SLIT2: variants seen among roughly 807,000 people sequenced by gnomAD.
SLIT2 encodes slit guidance ligand 2, also known as slit homolog 2 protein.
SLIT2 carries 41 observed loss-of-function variants against 185.7 expected under a neutral mutation model. The observed-to-expected ratio is 0.22, with a 90% CI of 0.17 to 0.29. The LOEUF is 0.29. Ranked by LOEUF, SLIT2 falls within the 10% of genes least tolerant of loss-of-function variation. The probability of loss-of-function intolerance (pLI) is 1.00; values close to 1 mark genes in which losing one functional copy is unlikely to be tolerated. For synonymous variants in SLIT2, 693 were observed against 680.2 expected (o/e 1.02, Z -0.29); for missense variants, 1,571 against 1,909.0 (o/e 0.82, Z 3.30).
At chr4:20,343,996 G>C (rs1721178852) in intron 4 of SLIT2, among the ~76,000 whole-genome samples, 1 of 151,970 alleles carries the variant, frequency 6.6e-6, no homozygotes, top group Non-Finnish European at 1.5e-5. Context: ...GACTACAGAT[G>C]TGCACCACCA....
chr4:20,578,206 T>C (rs1726230345), intron 29 of SLIT2, among the ~76,000 whole-genome samples: 1 of 152,192 alleles, frequency 6.6e-6, no homozygotes, highest in African/African-American at 2.4e-5. Flanking sequence ...CCAGCACTAG[T>C]TTGTGCCACT....
chr4:20,274,736 T>G (rs1287709446), intron 4 of SLIT2, among the ~76,000 whole-genome samples: 1 of 139,528 alleles, frequency 7.2e-6, no homozygotes, highest in African/African-American at 2.8e-5. Context: ...GCAAGAAAGT[T>G]TCTGTGTTTT....
intron 4 of SLIT2, among the ~76,000 whole-genome samples, chr4:20,388,275 A>G (rs1725092109): frequency 6.6e-6 from 1 of 152,178 alleles, no homozygotes; most frequent in African/African-American, 2.4e-5. Flanking sequence ...CACAGACTAC[A>G]ATAAAATATT....
chr4:20,380,626 A>G (rs1218589782), intron 4 of SLIT2, among the ~76,000 whole-genome samples: 2 of 152,088 alleles, frequency 1.3e-5, no homozygotes, highest in Non-Finnish European at 2.9e-5. Context: ...AAATATATAA[A>G]AATTAAAAAT....
Position 20,531,757 on chromosome 4 carries a change from G to GTT in SLIT2, c.1614-215_1614-214dup, listed in dbSNP as rs550588895. On this transcript the variant is annotated intron_variant, in intron 16 of 36. Transcript: ENST00000504154. ...ACTGAGAGCTGGTTTTGATCTTTGT[G>GTT]TTTTTTTTTTTTTACTGTGTGCTTC... Among the ~76,000 whole-genome samples, 415 of 140,688 alleles carry GTT rather than the reference G, an allele frequency of 2.9e-3. 2 individuals are homozygous for GTT. Among genetic ancestry groups the GTT allele is most frequent in the East Asian group, 0.014 (70 of 4,972 alleles). 92.3% of individuals were successfully genotyped at this position (140,688 alleles called of 152,430 possible).
chr4:20,289,755 CA>C (rs1715621080), intron 4 of SLIT2, among the ~76,000 whole-genome samples: 1 of 152,154 alleles, frequency 6.6e-6, no homozygotes, highest in Non-Finnish European at 1.5e-5. Flanking sequence ...GGCAGATGCT[CA>C]ATCAGTGTTT....
At chr4:20,264,963 CTG>C (rs1476084785) in intron 3 of SLIT2, among the ~76,000 whole-genome samples, 1 of 151,894 alleles carries the variant, frequency 6.6e-6, no homozygotes, top group Admixed American at 6.6e-5. Context: ...CATTGAGTGT[CTG>C]TGCTCTCAAC....
intron 7 of SLIT2, 41 bp downstream of exon 7, chr4:20,486,312 T>TA (rs749870770): frequency 6.1e-6 from 7 of 1,144,668 alleles, no homozygotes. Flanking sequence ...ATTAATCAAT[T>TA]AAAGCTTCCC....
intron 33 of SLIT2, among the ~76,000 whole-genome samples, chr4:20,599,863 A>T (rs184683714): frequency 6.6e-6 from 1 of 152,230 alleles, no homozygotes; most frequent in Non-Finnish European, 1.5e-5. Context: ...ATATGTATCA[A>T]TGTGCTTTAA....
At chr4:20,540,129 C>G (rs138301063) in intron 19 of SLIT2, among the ~76,000 whole-genome samples, 51 of 150,186 alleles carry the variant, frequency 3.4e-4, no homozygotes, top group African/African-American at 1.2e-3. Context: ...ACTAAAAATA[C>G]AAAAAAAAAT....
At chr4:20,555,119 G>A (rs888054935) in intron 26 of SLIT2, among the ~76,000 whole-genome samples, 43 of 152,018 alleles carry the variant, frequency 2.8e-4, no homozygotes, top group African/African-American at 9.9e-4. Flanking sequence ...ATGGAGGAGA[G>A]AAATTCTTGA....
intron 4 of SLIT2, among the ~76,000 whole-genome samples, chr4:20,325,087 C>G (rs1719448534): frequency 6.6e-6 from 1 of 151,916 alleles, no homozygotes; most frequent in Admixed American, 6.6e-5. Context: ...CTTCCTCTCC[C>G]TCCTAAGCTC....
intron 18 of SLIT2, among the ~76,000 whole-genome samples, chr4:20,537,529 TC>T (rs766756249): frequency 5.3e-5 from 8 of 152,296 alleles, no homozygotes; most frequent in Non-Finnish European, 1.0e-4. Flanking sequence ...TGTTTTTCAT[TC>T]ACAGGACTCT....
chr4:20,571,913 A>G (rs905464713), intron 29 of SLIT2, among the ~76,000 whole-genome samples: 3 of 152,244 alleles, frequency 2.0e-5, no homozygotes, highest in African/African-American at 4.8e-5. Flanking sequence ...GTCAGAACGG[A>G]CATTATGTCA....
intron 33 of SLIT2, among the ~76,000 whole-genome samples, chr4:20,604,547 C>T (rs929769205): frequency 2.0e-5 from 3 of 152,010 alleles, no homozygotes; most frequent in African/African-American, 7.2e-5. Context: ...TGGGGTTTCA[C>T]CATGTTAGCC....
chr4:20,328,874 A>G (rs147423407), intron 4 of SLIT2, among the ~76,000 whole-genome samples: 28 of 152,188 alleles, frequency 1.8e-4, no homozygotes, highest in African/African-American at 6.5e-4. Flanking sequence ...AAATGTGTGT[A>G]TGTACATGTG....
At chr4:20,411,634 A>C (rs916240399) in intron 4 of SLIT2, among the ~76,000 whole-genome samples, 1 of 152,200 alleles carries the variant, frequency 6.6e-6, no homozygotes, top group African/African-American at 2.4e-5. Flanking sequence ...GGTCACTTAC[A>C]TATTAGTCTG....
intron 4 of SLIT2, among the ~76,000 whole-genome samples, chr4:20,462,291 C>T (rs1034517432): frequency 6.6e-6 from 1 of 152,090 alleles, no homozygotes; most frequent in African/African-American, 2.4e-5. Flanking sequence ...GTTTAAGGTG[C>T]TCAATATTTT....
chr4:20,488,549 T>TC (rs1434884780), intron 7 of SLIT2, among the ~76,000 whole-genome samples: 2 of 152,290 alleles, frequency 1.3e-5, no homozygotes, highest in South Asian at 4.1e-4. Flanking sequence ...CTTATTTTTT[T>TC]CTCTTTCCTC....
Sources: allele counts gnomAD v4.1 joint callset (sites outside exome capture counted in the v4.1 genomes callset), GRCh38; gene constraint gnomAD v4.1.1; transcripts MANE v1.5; gene names NCBI Gene and HGNC (gene_info 2026-07-23, HGNC 2026-07-21).